The following TAGLN3 variants were observed in gnomAD, a reference collection of about 807,000 sequenced individuals.
TAGLN3 encodes the protein transgelin 3, also known as transgelin-3.
A neutral mutation model predicts 25.4 loss-of-function variants in TAGLN3; 12 were observed. That is an observed-to-expected ratio of 0.47 (90% CI 0.30 to 0.77). The LOEUF is 0.77. Among genes scored for constraint, TAGLN3 ranks in the 30% least tolerant of loss-of-function variants. TAGLN3 has a pLI of 0.06. For missense variants in TAGLN3, 218 were observed against 255.8 expected, an observed-to-expected ratio of 0.85 and a Z score of 1.01; for synonymous variants, 96 against 94.8, an observed-to-expected ratio of 1.01 and a Z score of -0.08.
chr3:112,000,389 G>T (rs1158881564), intron 2 of TAGLN3: 1 of 167,610 alleles, frequency 6.0e-6, no homozygotes, highest in East Asian at 1.7e-4. Context: ...TATCATTTGA[G>T]CTCTGCCAAC....
intron 3 of TAGLN3, 73 bp downstream of exon 3, chr3:112,001,019 C>G: frequency 7.2e-7 from 1 of 1,388,930 alleles, no homozygotes. Context: ...AAAAACTGCT[C>G]ACAGTGTTCT....
At chr3:112,008,332 A>G (rs920560779) in intron 3 of TAGLN3, among the ~76,000 whole-genome samples, 14 of 152,120 alleles carry the variant, frequency 9.2e-5, no homozygotes, top group Non-Finnish European at 1.5e-4. Context: ...ATTGTTATTT[A>G]GAGACAGGGG....
In TAGLN3 at chr3:111,999,634, C is replaced by T. The variant is rs191063366; in HGVS notation, c.180+32C>T. The T allele has an allele frequency of 2.5e-6, 4 of 1,605,486 alleles. No individual in the cohort carries two copies. In the East Asian group the frequency reaches 6.7e-5, roughly 27 times the overall value. On this transcript the variant is annotated intron_variant, in intron 2 of 4. Transcript: ENST00000478951. Reference sequence around the variant, plus strand: ...CCGGCAGCGATCTCGGTTGCTGGGGCGGTGGGCAGGGAAACCCTCCAGGGC... The same window carrying T: ...CCGGCAGCGATCTCGGTTGCTGGGGTGGTGGGCAGGGAAACCCTCCAGGGC...
In TAGLN3 at chr3:111,999,315, T is replaced by C. The variant is rs1023539666; in HGVS notation, c.-2-106T>C. 10 of 1,323,410 alleles carry C rather than the reference T, an allele frequency of 7.6e-6. No individual in the cohort carries two copies. The African/African-American group carries it at 1.5e-4, about 19-fold the overall frequency. 82.0% of individuals were successfully genotyped at this position (1,323,410 alleles called of 1,614,324 possible). On this transcript the variant is annotated intron_variant, in intron 1 of 4. Coordinates refer to ENST00000478951, the MANE Select transcript of TAGLN3 (RefSeq NM_001008272.2). The stretch of plus-strand genomic sequence containing the variant: ...CCCGGCTTTCTGCCCTCTTTGCTGC[T>C]GCTGGGCCAGGTTGCCCAGCCATAT...
intron 3 of TAGLN3, among the ~76,000 whole-genome samples, chr3:112,002,038 T>A (rs1473911823): frequency 6.6e-6 from 1 of 152,230 alleles, no homozygotes; most frequent in Non-Finnish European, 1.5e-5. Flanking sequence ...ACGATGCTAA[T>A]AAGTTTACCT....
intron 3 of TAGLN3, among the ~76,000 whole-genome samples, chr3:112,009,719 C>T (rs1032059920): frequency 6.6e-6 from 1 of 152,150 alleles, no homozygotes; most frequent in Non-Finnish European, 1.5e-5. Context: ...AGTGTCTACC[C>T]TATAATTTAC....
chr3:112,005,171 C>A lies in TAGLN3; in HGVS notation c.355+4225C>A, dbSNP rs139614671. On this transcript the variant is annotated intron_variant, in intron 3 of 4. Transcript: ENST00000478951. ...CCTAGTTTCTCAGAGCCTCAGTTCC[C>A]TTCTCGGTAAACAGTTCTAATGCCT... 7.1e-3 allele frequency among the ~76,000 whole-genome samples: 1,086 copies of A among 152,152 alleles called. 11 individuals are homozygous for A. Among genetic ancestry groups the A allele is most frequent in the African/African-American group, 0.025 (1,049 of 41,496 alleles).
intron 3 of TAGLN3, 42 bp from the exon 4 acceptor site, chr3:112,011,721 C>T: frequency 1.3e-6 from 2 of 1,576,308 alleles, no homozygotes; most frequent in Non-Finnish European, 1.7e-6. Context: ...CATTCCTTGG[C>T]TCTGACACGT....
At chr3:112,000,140 G>A (rs2072839372) in intron 2 of TAGLN3, among the ~76,000 whole-genome samples, 2 of 152,158 alleles carry the variant, frequency 1.3e-5, no homozygotes, top group South Asian at 4.1e-4. Flanking sequence ...TGTGTTTGAG[G>A]GTTTGAGGGC....
intron 3 of TAGLN3, among the ~76,000 whole-genome samples, chr3:112,004,447 TGTA>T (rs1378735641): frequency 2.0e-5 from 3 of 151,738 alleles, no homozygotes; most frequent in Non-Finnish European, 4.4e-5. Context: ...AGTGTGCTGG[TGTA>T]GTATCAGGAC....
chr3:112,004,019 T>C (rs1576077665), intron 3 of TAGLN3, among the ~76,000 whole-genome samples: 1 of 152,182 alleles, frequency 6.6e-6, no homozygotes, highest in African/African-American at 2.4e-5. Context: ...GAATACAAGA[T>C]TGAAGGCTTT....
chr3:112,013,334 C>T, intron 4 of TAGLN3, 76 bp from the exon 5 acceptor site: 1 of 1,539,356 alleles, frequency 6.5e-7, no homozygotes, highest in Non-Finnish European at 8.8e-7. Flanking sequence ...CCAGCAGAGC[C>T]TGTCTAATTG....
intron 3 of TAGLN3, among the ~76,000 whole-genome samples, chr3:112,008,318 T>C (rs1054157068): frequency 3.9e-5 from 6 of 152,186 alleles, no homozygotes; most frequent in Admixed American, 2.6e-4. Context: ...ATTTCATTTA[T>C]CTTATTGTTA....
Position 112,005,483 on chromosome 3 carries a change from T to G in TAGLN3, c.355+4537T>G, listed in dbSNP as rs367724367. On this transcript the variant is annotated intron_variant, in intron 3 of 4. Coordinates refer to ENST00000478951, the MANE Select transcript of TAGLN3 (RefSeq NM_001008272.2). ...GATGTCATGCCTGTTCCCCCTTTGA[T>G]GACTGGGAGTTAGGGAGGTGTGGTT... Among the ~76,000 whole-genome samples the G allele has an allele frequency of 2.6e-5, 4 of 152,278 alleles. No individual in the cohort carries two copies. In the East Asian group the frequency reaches 5.8e-4, roughly 22 times the overall value.
At chr3:112,005,299 A>T (rs2072904288) in intron 3 of TAGLN3, among the ~76,000 whole-genome samples, 1 of 152,208 alleles carries the variant, frequency 6.6e-6, no homozygotes, top group Admixed American at 6.5e-5. Context: ...CCACACTATT[A>T]GTCATTCAGC....
chr3:112,007,449 A>G (rs1485091984), intron 3 of TAGLN3, among the ~76,000 whole-genome samples: 1 of 152,102 alleles, frequency 6.6e-6, no homozygotes, highest in Non-Finnish European at 1.5e-5. Flanking sequence ...TTACTGTCTC[A>G]AGAGTTTTGC....
chr3:111,999,529 T>C lies in TAGLN3; in HGVS notation c.107T>C (p.Leu36Pro). ...LENKLVDWII[L>P]QCAEDIEHPP... is the part of the protein sequence containing the mutation. ...AACAAGCTGGTGGACTGGATCATCC[T>C]GCAGTGCGCCGAGGACATAGAGCAC... is the stretch of plus-strand genomic sequence containing the variant. The change falls in exon 2 of 5, where the codon CTG (leucine) becomes CCG (proline). Residue 36 changes from leucine (L) to proline (P), a missense_variant. Leu to Pro is a moderately conservative substitution (Grantham distance 98, BLOSUM62 -3). Coordinates refer to ENST00000478951, the MANE Select transcript of TAGLN3 (RefSeq NM_001008272.2). 6.2e-7 allele frequency: 1 copy of C among 1,614,206 alleles called. No individual in the cohort carries two copies.
At chr3:112,012,717 A>G (rs1219633391) in intron 4 of TAGLN3, among the ~76,000 whole-genome samples, 1 of 152,096 alleles carries the variant, frequency 6.6e-6, no homozygotes, top group Non-Finnish European at 1.5e-5. Context: ...TAGTGTCTGT[A>G]TTATTAGTGA....
intron 3 of TAGLN3, among the ~76,000 whole-genome samples, chr3:112,008,777 C>A (rs2072946795): frequency 1.3e-5 from 2 of 152,174 alleles, no homozygotes; most frequent in African/African-American, 4.8e-5. Context: ...TTCCAGAAGG[C>A]AGATTTCTGG....
Sources: gnomAD v4.1 joint callset for allele counts (sites outside exome capture counted in the v4.1 genomes callset) on GRCh38, gnomAD v4.1.1 for gene constraint, MANE v1.5 for transcripts, NCBI Gene and HGNC (gene_info 2026-07-23, HGNC 2026-07-21) for gene names.